Variants in PHF24 observed in about 807,000 individuals in gnomAD.
The protein encoded by PHF24 is PHD finger protein 24.
In PHF24, 25 loss-of-function variants were observed where a neutral mutation model predicts 42.6. The ratio of observed to expected loss-of-function variants is 0.59; its 90% CI spans 0.43 to 0.82. The LOEUF (loss-of-function observed/expected upper bound fraction) is 0.82, where lower values mean the gene tolerates loss of function less well. Ranked by LOEUF, PHF24 falls within the 40% of genes least tolerant of loss-of-function variation. The pLI is 0.00. For missense variants in PHF24, 470 were observed against 538.1 expected, an observed-to-expected ratio of 0.87 and a Z score of 1.25; for synonymous variants, 185 against 204.8, an observed-to-expected ratio of 0.90 and a Z score of 0.83.
chr9:34,681,047 G>A, the PHF24 span: 1 of 152,196 alleles, frequency 6.6e-6, no homozygotes, highest in Non-Finnish European at 1.5e-5. Context: ...TGTCACTTGT[G>A]GACAAAAACA....
chr9:34,820,914 A>G, the PHF24 span, among the ~76,000 whole-genome samples: 1 of 152,160 alleles, frequency 6.6e-6, no homozygotes, highest in Non-Finnish European at 1.5e-5. Context: ...TGACTTTTTA[A>G]TAATAGCCAT....
the PHF24 span, among the ~76,000 whole-genome samples, chr9:34,734,750 A>C: frequency 6.6e-6 from 1 of 152,226 alleles, no homozygotes; most frequent in African/African-American, 2.4e-5. Flanking sequence ...CCTGAGATTC[A>C]GGGGCACAGC....
At chr9:34,916,697 C>A in the PHF24 span, among the ~76,000 whole-genome samples, 1 of 152,130 alleles carries the variant, frequency 6.6e-6, no homozygotes, top group Non-Finnish European at 1.5e-5. Context: ...CAAGTTATAC[C>A]ATGAGAAGGT....
the PHF24 span, among the ~76,000 whole-genome samples, chr9:34,768,613 G>A: frequency 2.6e-5 from 4 of 152,118 alleles, no homozygotes; most frequent in African/African-American, 4.8e-5. Context: ...TGTGCCTGGC[G>A]TACGTTGGTG....
chr9:34,802,131 G>GT, the PHF24 span, among the ~76,000 whole-genome samples: 2 of 152,168 alleles, frequency 1.3e-5, no homozygotes, highest in African/African-American at 4.8e-5. Context: ...TGGGTATCCA[G>GT]TTTTTATTGT....
the PHF24 span, among the ~76,000 whole-genome samples, chr9:34,720,376 C>T: frequency 2.7e-5 from 4 of 146,818 alleles, no homozygotes; most frequent in East Asian, 4.2e-4. Context: ...ACCCGGGAAG[C>T]GGAGCTTGCA....
chr9:34,901,911 CGAG>C, the PHF24 span, among the ~76,000 whole-genome samples: 2 of 151,948 alleles, frequency 1.3e-5, no homozygotes, highest in African/African-American at 4.8e-5. Flanking sequence ...TACTTCAAAA[CGAG>C]GAGGTAACTA....
the PHF24 span, among the ~76,000 whole-genome samples, chr9:34,715,356 A>G: frequency 6.6e-6 from 1 of 152,040 alleles, no homozygotes; most frequent in Admixed American, 6.5e-5. Flanking sequence ...CTTCTGAGCC[A>G]TTCCTCTGCC....
chr9:34,696,674 T>C, the PHF24 span, among the ~76,000 whole-genome samples: 1 of 152,152 alleles, frequency 6.6e-6, no homozygotes, highest in Non-Finnish European at 1.5e-5. Context: ...TGGGAAGGCA[T>C]AGGACTCTGA....
chr9:34,935,855 G>T, the PHF24 span, among the ~76,000 whole-genome samples: 1 of 151,728 alleles, frequency 6.6e-6, no homozygotes, highest in South Asian at 2.1e-4. Context: ...GACAGATGAG[G>T]ACAAAGAGGA....
At chr9:34,939,740 C>T in the PHF24 span, among the ~76,000 whole-genome samples, 2 of 152,200 alleles carry the variant, frequency 1.3e-5, no homozygotes, top group Non-Finnish European at 2.9e-5. Context: ...TGGTCCCACA[C>T]ATCTACTTCT....
chr9:34,691,150 C>T, the PHF24 span: 1 of 1,613,172 alleles, frequency 6.2e-7, no homozygotes, highest in Non-Finnish European at 8.5e-7. Context: ...GGAGGGTGAA[C>T]AGAGGCAGGC....
At chr9:34,700,737 G>T in the PHF24 span, among the ~76,000 whole-genome samples, 1 of 152,152 alleles carries the variant, frequency 6.6e-6, no homozygotes, top group African/African-American at 2.4e-5. Context: ...CCAAGAGAGT[G>T]AGTGTAGATA....
the PHF24 span, among the ~76,000 whole-genome samples, chr9:34,671,152 A>G: frequency 6.6e-6 from 1 of 152,154 alleles, no homozygotes; most frequent in Non-Finnish European, 1.5e-5. Context: ...TTGGCCTAGA[A>G]CATGCCCATT....
chr9:34,959,980 TGAG>T (rs753171523), intron 1 of PHF24, among the ~76,000 whole-genome samples: 5 of 152,142 alleles, frequency 3.3e-5, no homozygotes, highest in Admixed American at 2.6e-4. Flanking sequence ...TGCCTCTGCA[TGAG>T]GAGGAGGAGG....
chr9:34,942,324 C>T, the PHF24 span, among the ~76,000 whole-genome samples: 40 of 152,168 alleles, frequency 2.6e-4, no homozygotes, highest in African/African-American at 9.7e-4. Context: ...ACTGTACTTC[C>T]ATCTTTATGG....
At chr9:34,918,257 C>T in the PHF24 span, 2 of 1,477,488 alleles carry the variant, frequency 1.4e-6, no homozygotes, top group East Asian at 4.5e-5. Context: ...CGTGTCTTCT[C>T]AATGAAACTG....
intron 1 of PHF24, among the ~76,000 whole-genome samples, chr9:34,961,145 T>C (rs1190722397): frequency 6.6e-6 from 1 of 152,222 alleles, no homozygotes; most frequent in African/African-American, 2.4e-5. Context: ...GTGAATCACA[T>C]TCATGCAAAT....
chr9:34,715,883 T>C, the PHF24 span, among the ~76,000 whole-genome samples: 1 of 152,176 alleles, frequency 6.6e-6, no homozygotes, highest in African/African-American at 2.4e-5. Flanking sequence ...AAGGGCCACA[T>C]TCCCTTCAGT....
Sources: gnomAD v4.1 joint callset for allele counts (sites outside exome capture counted in the v4.1 genomes callset) on GRCh38, gnomAD v4.1.1 for gene constraint, MANE v1.5 for transcripts, NCBI Gene and HGNC (gene_info 2026-07-23, HGNC 2026-07-21) for gene names.